Variants in WIPF3 observed in about 807,000 individuals in gnomAD.
The protein encoded by WIPF3 is WAS/WASL-interacting protein family member 3.
Under a neutral mutation model 38.9 loss-of-function variants are expected in WIPF3, and 33 were observed. The ratio of observed to expected loss-of-function variants is 0.85; its 90% CI spans 0.64 to 1.14. The LOEUF (loss-of-function observed/expected upper bound fraction) is 1.14. Among genes scored for constraint, WIPF3 ranks in the 50% most tolerant of loss-of-function variants. The pLI is 0.00. For synonymous variants in WIPF3, 324 were observed against 269.3 expected, an observed-to-expected ratio of 1.20 and a Z score of -1.99; for missense variants, 711 against 652.5, an observed-to-expected ratio of 1.09 and a Z score of -0.98.
chr7:29,808,160 G>A (rs1041715116), intron 1 of WIPF3, among the ~76,000 whole-genome samples: 2 of 152,156 alleles, frequency 1.3e-5, no homozygotes, highest in African/African-American at 4.8e-5. Context: ...CTACCTCAGT[G>A]AAAAAGTAAA....
At chr7:29,870,701 T>C (rs905578961) in intron 2 of WIPF3, among the ~76,000 whole-genome samples, 1 of 152,176 alleles carries the variant, frequency 6.6e-6, no homozygotes, top group Non-Finnish European at 1.5e-5. Flanking sequence ...ACAGGGTGAA[T>C]CAGCTCTGTG....
chr7:29,916,573 C>G lies in WIPF3; in HGVS notation c.*2057C>G, dbSNP rs1786619794. Reference sequence around the variant, plus strand: ...ACTCAAATACAAAAAATTAGCCAGGCATGGTGGCTCACACCTGTAATCCCA... The same window carrying G: ...ACTCAAATACAAAAAATTAGCCAGGGATGGTGGCTCACACCTGTAATCCCA... On this transcript the variant is annotated 3_prime_UTR_variant, in exon 9 of 9. Transcript: ENST00000242140. 6.6e-6 allele frequency: 1 copy of G among 152,114 alleles called. No homozygotes were observed. The highest frequency in any genetic ancestry group is 2.4e-5 in the African/African-American group (1 of 41,414). The allele number at this position is 152,114 out of a possible 1,614,324, so 9.4% of individuals were successfully genotyped here.
chr7:29,847,780 G>A (rs922966841), intron 2 of WIPF3, among the ~76,000 whole-genome samples: 11 of 152,184 alleles, frequency 7.2e-5, no homozygotes, highest in African/African-American at 2.4e-4. Flanking sequence ...AGGCGGTGGG[G>A]AGTTAGAGTA....
At chr7:29,904,440 T>C in intron 8 of WIPF3, 78 bp downstream of exon 8, 2 of 1,448,532 alleles carry the variant, frequency 1.4e-6, no homozygotes, top group Non-Finnish European at 1.9e-6. Flanking sequence ...GGGTATGCTT[T>C]CTCCTAAACA....
intron 1 of WIPF3, among the ~76,000 whole-genome samples, chr7:29,810,031 G>A (rs757025456): frequency 1.2e-4 from 18 of 152,158 alleles, no homozygotes; most frequent in Non-Finnish European, 2.1e-4. Context: ...TTCTGAGGAC[G>A]TGTGTCTGTG....
At chr7:29,894,787 A>ACG (rs1292907689) in intron 7 of WIPF3, among the ~76,000 whole-genome samples, 1 of 150,616 alleles carries the variant, frequency 6.6e-6, no homozygotes, top group Non-Finnish European at 1.5e-5. Context: ...ACACACACAC[A>ACG]CGACACACAC....
At chr7:29,850,034 A>C (rs1689771750) in intron 2 of WIPF3, among the ~76,000 whole-genome samples, 3 of 152,222 alleles carry the variant, frequency 2.0e-5, no homozygotes, top group Admixed American at 1.3e-4. Context: ...AATAATTGGA[A>C]ATTTAAAATA....
chr7:29,877,990 A>G (rs772115506), intron 3 of WIPF3, among the ~76,000 whole-genome samples: 7 of 152,220 alleles, frequency 4.6e-5, no homozygotes, highest in East Asian at 1.9e-4. Context: ...ATTCTTAAAG[A>G]TAGTCCTAAA....
intron 7 of WIPF3, among the ~76,000 whole-genome samples, chr7:29,896,451 C>CA (rs1199089956): frequency 1.3e-5 from 2 of 151,748 alleles, no homozygotes; most frequent in Admixed American, 6.6e-5. Context: ...CCCATCACTA[C>CA]AAAAAAATAC....
chr7:29,845,054 T>A (rs1377846878), intron 2 of WIPF3, among the ~76,000 whole-genome samples: 1 of 150,298 alleles, frequency 6.7e-6, no homozygotes, highest in Non-Finnish European at 1.5e-5. Context: ...TCTGTGTGGT[T>A]CCATTGTTTT....
intron 1 of WIPF3, among the ~76,000 whole-genome samples, chr7:29,828,556 C>G (rs555219805): frequency 6.6e-6 from 1 of 152,166 alleles, no homozygotes; most frequent in Non-Finnish European, 1.5e-5. Context: ...GAACTTCGCG[C>G]AAAAATCTAG....
At chr7:29,898,024 C>T (rs141952171) in intron 7 of WIPF3, among the ~76,000 whole-genome samples, 28 of 152,302 alleles carry the variant, frequency 1.8e-4, no homozygotes, top group African/African-American at 6.7e-4. Context: ...CTCCACTTCC[C>T]CACCCCCTGT....
At chr7:29,828,886 C>T (rs572419529) in intron 1 of WIPF3, among the ~76,000 whole-genome samples, 1 of 152,334 alleles carries the variant, frequency 6.6e-6, no homozygotes, top group South Asian at 2.1e-4. Flanking sequence ...AACCACAAGA[C>T]AGATGAGCAC....
rs748786938 is a variant in WIPF3, at chr7:29,889,349, T to TC, written c.1298dup (p.Pro434SerfsTer3). On this transcript the variant is annotated frameshift_variant, in exon 7 of 9. Transcript: ENST00000242140. LOFTEE classifies it high-confidence loss of function. ...TCACGTTCCATTCTGTGGAAGACTT[T>TC]CCCCCTCCGGATGAATATAAACCAT... 1 of 1,613,892 alleles carries TC rather than the reference T, an allele frequency of 6.2e-7. No individual in the cohort carries two copies. The highest frequency in any genetic ancestry group is 1.1e-5 in the South Asian group (1 of 91,064).
At position 29,834,775 on chromosome 7, in the gene WIPF3, T is replaced by G; in HGVS notation, c.51T>G (p.Pro17=). ...PPPPLPPPPP[P]LGAPPPPPPS... ...CTCCTCTGCCTCCACCTCCCCCGCC[T>G]CTGGGGGCTCCTCCCCCTCCCCCAC... The change falls in exon 2 of 9, where the codon CCT becomes CCG. Residue 17 remains proline (P), a synonymous_variant. Transcript: ENST00000242140. 1 of 769,118 alleles carries G rather than the reference T, an allele frequency of 1.3e-6. No individual in the cohort carries two copies. Among genetic ancestry groups the G allele is most frequent in the Non-Finnish European group, 1.6e-6 (1 of 635,272 alleles). The allele number at this position is 769,118 out of a possible 1,614,324, so 47.6% of individuals were successfully genotyped here. A position where few individuals can be genotyped will look rare whatever the true frequency, so the allele number is the denominator to read the frequency against.
At position 29,875,905 on chromosome 7, in the gene WIPF3, G is replaced by A. The variant is rs934486878; in HGVS notation, c.166G>A (p.Gly56Arg). The A allele has an allele frequency of 6.2e-7, 1 of 1,614,082 alleles. No individual in the cohort carries two copies. The highest frequency in any genetic ancestry group is 1.3e-5 in the African/African-American group (1 of 75,076). ...TGCGCTGTTGGCTGATATCCAGCAA[G>A]GAACTCGCCTGCGCAAAGTCACGCA... ...RSALLADIQQ[G>R]TRLRKVTQIN... Residue 56 changes from glycine (G) to arginine (R), a missense_variant, in exon 3 of 9, where the codon GGA becomes AGA. Gly to Arg is a moderately radical substitution (Grantham distance 125). Coordinates refer to ENST00000242140, the MANE Select transcript of WIPF3 (RefSeq NM_001080529.3).
At position 29,823,600 on chromosome 7, in the gene WIPF3, A is replaced by G. The variant is rs1174210999; in HGVS notation, c.-57-11068A>G. 3.9e-5 allele frequency among the ~76,000 whole-genome samples: 6 copies of G among 152,232 alleles called. No individual in the cohort carries two copies. Among genetic ancestry groups the G allele is most frequent in the African/African-American group, 2.4e-5 (1 of 41,468 alleles). ...TATGCCATTGCCTTGATACAAAAAT[A>G]TCTTGATACCAACTGATATGGTTTG... On this transcript the variant is annotated intron_variant, in intron 1 of 8. Coordinates refer to ENST00000242140, the MANE Select transcript of WIPF3 (RefSeq NM_001080529.3). This position sits in a 1 kb window ranked among gnomAD's most constrained non-coding sequence, Gnocchi z 4.0.
At chr7:29,901,835 A>C in intron 7 of WIPF3, among the ~76,000 whole-genome samples, 1 of 142,170 alleles carries the variant, frequency 7.0e-6, no homozygotes, top group Non-Finnish European at 1.5e-5. Flanking sequence ...CAAAAAAAAA[A>C]AAAAAAAAAA....
intron 1 of WIPF3, among the ~76,000 whole-genome samples, chr7:29,832,544 T>A (rs1404587883): frequency 1.3e-5 from 2 of 152,238 alleles, no homozygotes; most frequent in African/African-American, 4.8e-5. Flanking sequence ...CTTTTCGGTC[T>A]TTCTGTTCTT....
Sources: allele counts gnomAD v4.1 joint callset (sites outside exome capture counted in the v4.1 genomes callset), GRCh38; gene constraint gnomAD v4.1.1; non-coding constraint Gnocchi (gnomAD v3.1); transcripts MANE v1.5; gene names NCBI Gene and HGNC (gene_info 2026-07-23, HGNC 2026-07-21).